The following NCAM2 variants were observed in gnomAD, a reference collection of about 807,000 sequenced individuals.
NCAM2 encodes the protein neural cell adhesion molecule 2.
In NCAM2, 30 loss-of-function variants were observed where a neutral mutation model predicts 98.1. That is an observed-to-expected ratio of 0.31 (90% CI 0.23 to 0.41). NCAM2 has a LOEUF of 0.41. Ranked by LOEUF, NCAM2 falls within the 10% of genes least tolerant of loss-of-function variation. The probability of loss-of-function intolerance (pLI) is 1.00; values close to 1 mark genes in which losing one functional copy is unlikely to be tolerated. For missense variants in NCAM2, 867 were observed against 1,005.8 expected (o/e 0.86, Z 1.87); for synonymous variants, 368 against 342.4 (o/e 1.07, Z -0.83).
chr21:21,263,779 G>T (rs1369717769), intron 1 of NCAM2, among the ~76,000 whole-genome samples: 1 of 152,082 alleles, frequency 6.6e-6, no homozygotes, highest in Non-Finnish European at 1.5e-5. Context: ...TTCAATAAAT[G>T]ATGCTGAGTA....
In NCAM2 at chr21:21,284,331, A is replaced by T; in HGVS notation, c.268A>T (p.Ile90Leu). ...CAATGCAAATATAGAAGATGCAGGG[A>T]TATATCGTTGTCAAGCAACAGATGC... is the stretch of plus-strand genomic sequence containing the variant. ...IYNANIEDAG[I>L]YRCQATDAKG... is the part of the protein sequence containing the mutation. The change falls in exon 3 of 18, where the codon ATA (isoleucine) becomes TTA (leucine). Residue 90 changes from isoleucine to leucine, a missense_variant. Physicochemically the swap from Ile to Leu is conservative, Grantham distance 5. Transcript: ENST00000400546. The T allele has an allele frequency of 6.2e-7, 1 of 1,612,938 alleles. No homozygotes were observed. The highest frequency in any genetic ancestry group is 8.5e-7 in the Non-Finnish European group (1 of 1,179,246).
At chr21:21,463,129 A>G (rs528729903) in intron 12 of NCAM2, among the ~76,000 whole-genome samples, 2 of 152,120 alleles carry the variant, frequency 1.3e-5, no homozygotes, top group Non-Finnish European at 2.9e-5. Flanking sequence ...TCATTTTCCA[A>G]GTGGTAGTTT....
intron 15 of NCAM2, among the ~76,000 whole-genome samples, chr21:21,483,750 A>G (rs1986102521): frequency 6.6e-6 from 1 of 152,134 alleles, no homozygotes; most frequent in Admixed American, 6.5e-5. Context: ...TTAGTTTAGC[A>G]TGTAGTGAAA....
At chr21:21,380,563 GT>G (rs113079579) in intron 9 of NCAM2, among the ~76,000 whole-genome samples, 14 of 148,522 alleles carry the variant, frequency 9.4e-5, no homozygotes, top group African/African-American at 2.5e-4. Flanking sequence ...CTGTTTTCTT[GT>G]TTTTTTTTTC....
In NCAM2 at chr21:21,540,116, C is replaced by G. The variant is rs1472816379; in HGVS notation, c.*2159C>G. ...CTGAGAAAGTCATTTCGCATGTTTA[C>G]TATTGTTATATTCGTGCTTTACTTC... On this transcript the variant is annotated 3_prime_UTR_variant, in exon 18 of 18. Transcript: ENST00000400546. 1.3e-5 allele frequency: 2 copies of G among 152,008 alleles called. No homozygotes were observed. The highest frequency in any genetic ancestry group is 2.9e-5 in the Non-Finnish European group (2 of 67,994). The allele number at this position is 152,008 out of a possible 1,614,324, so 9.4% of individuals were successfully genotyped here.
At chr21:21,209,676 G>C (rs937781537) in intron 1 of NCAM2, among the ~76,000 whole-genome samples, 1 of 144,760 alleles carries the variant, frequency 6.9e-6, no homozygotes, top group African/African-American at 2.4e-5. Flanking sequence ...TTTATAGTCT[G>C]CTATCATGAA....
intron 16 of NCAM2, 55 bp downstream of exon 16, chr21:21,509,110 C>T (rs1988193099): frequency 3.8e-6 from 6 of 1,581,914 alleles, no homozygotes; most frequent in Non-Finnish European, 4.3e-6. Flanking sequence ...CAGTCAAGCT[C>T]GAGTGCTTTA....
In NCAM2 at chr21:21,003,314, G is replaced by C. The variant is rs75079879; in HGVS notation, c.55+4696G>C. Among the ~76,000 whole-genome samples, 1,072 of 152,200 alleles carry C rather than the reference G, an allele frequency of 7.0e-3. 8 individuals are homozygous for C. The highest frequency in any genetic ancestry group is 0.024 in the African/African-American group (983 of 41,544). On this transcript the variant is annotated intron_variant, in intron 1 of 17. Coordinates refer to ENST00000400546, the MANE Select transcript of NCAM2 (RefSeq NM_004540.5). ...TAAGCATGGCAATCAAAACATTATA[G>C]TTTGAAGAATTTCAGGTCCATTGAT...
At chr21:21,017,424 CAAAAAAAAA>C (rs11461275) in intron 1 of NCAM2, among the ~76,000 whole-genome samples, 2 of 58,778 alleles carry the variant, frequency 3.4e-5, no homozygotes, top group African/African-American at 7.7e-5. Flanking sequence ...GACTCTGTCT[CAAAAAAAAA>C]AAAAAAAAAA....
chr21:21,070,290 C>A (rs1284430024), intron 1 of NCAM2, among the ~76,000 whole-genome samples: 2 of 145,656 alleles, frequency 1.4e-5, no homozygotes, highest in Non-Finnish European at 1.5e-5. Context: ...TATATATAAT[C>A]TAATATGTAA....
chr21:21,097,906 C>T (rs1229264303), intron 1 of NCAM2, among the ~76,000 whole-genome samples: 2 of 23,080 alleles, frequency 8.7e-5, no homozygotes, highest in Non-Finnish European at 2.2e-4. Context: ...AACCCCAGTT[C>T]TGTCTTCAGC....
chr21:21,190,712 T>C (rs926525441), intron 1 of NCAM2, among the ~76,000 whole-genome samples: 1 of 152,172 alleles, frequency 6.6e-6, no homozygotes, highest in African/African-American at 2.4e-5. Flanking sequence ...GATCAAGTTT[T>C]AGCTCTACTG....
At chr21:21,099,674 C>T (rs1033711955) in intron 1 of NCAM2, among the ~76,000 whole-genome samples, 2 of 151,796 alleles carry the variant, frequency 1.3e-5, no homozygotes, top group Admixed American at 6.6e-5. Flanking sequence ...TGGGTGGGGA[C>T]GCAGCCAAAC....
At chr21:21,101,288 GA>G (rs1293540947) in intron 1 of NCAM2, among the ~76,000 whole-genome samples, 3 of 151,942 alleles carry the variant, frequency 2.0e-5, no homozygotes, top group Non-Finnish European at 2.9e-5. Flanking sequence ...ATAAAACATG[GA>G]AAAATGTAAA....
At chr21:21,167,523 A>G (rs1344193538) in intron 1 of NCAM2, among the ~76,000 whole-genome samples, 2 of 152,260 alleles carry the variant, frequency 1.3e-5, no homozygotes, top group Admixed American at 6.5e-5. Context: ...AGAGAGAAAA[A>G]TCAATGTTTA....
intron 1 of NCAM2, among the ~76,000 whole-genome samples, chr21:21,221,940 G>T (rs1340695030): frequency 6.6e-6 from 1 of 152,102 alleles, no homozygotes; most frequent in Non-Finnish European, 1.5e-5. Context: ...GTCTCTCTTG[G>T]TGTGGGGCAG....
chr21:21,059,693 C>G (rs1279159641), intron 1 of NCAM2, among the ~76,000 whole-genome samples: 1 of 152,050 alleles, frequency 6.6e-6, no homozygotes, highest in African/African-American at 2.4e-5. Flanking sequence ...TTCTCGTTCT[C>G]TAAAATAGTG....
chr21:21,125,518 TAATATGTA>T, intron 1 of NCAM2, among the ~76,000 whole-genome samples: 1 of 126,754 alleles, frequency 7.9e-6, no homozygotes, highest in East Asian at 2.2e-4. Flanking sequence ...TTTACATATA[TAATATGTA>T]ATATATAAAA....
intron 1 of NCAM2, among the ~76,000 whole-genome samples, chr21:21,122,561 C>T (rs958268125): frequency 6.6e-6 from 1 of 152,096 alleles, no homozygotes. Context: ...TTCTTTTCAT[C>T]TGAGCCCGTA....
Sources: gnomAD v4.1 joint callset for allele counts (sites outside exome capture counted in the v4.1 genomes callset) on GRCh38, gnomAD v4.1.1 for gene constraint, MANE v1.5 for transcripts, NCBI Gene and HGNC (gene_info 2026-07-23, HGNC 2026-07-21) for gene names.